WDFY4: variants seen among roughly 807,000 people sequenced by gnomAD.
The protein encoded by WDFY4 is WDFY family member 4.
A neutral mutation model predicts 351.9 loss-of-function variants in WDFY4; 169 were observed. The observed-to-expected ratio is 0.48, with a 90% CI of 0.42 to 0.55. The LOEUF (loss-of-function observed/expected upper bound fraction) is 0.55, where lower values mean the gene tolerates loss of function less well. Among genes scored for constraint, WDFY4 ranks in the 20% least tolerant of loss-of-function variants. WDFY4 has a pLI of 0.00. For synonymous variants in WDFY4, 1,622 were observed against 1,574.6 expected (o/e 1.03, Z -0.71); for missense variants, 3,803 against 3,935.6 (o/e 0.97, Z 0.90).
chr10:48,818,381 A>G (rs1198457669), intron 32 of WDFY4, among the ~76,000 whole-genome samples: 4 of 152,230 alleles, frequency 2.6e-5, no homozygotes, highest in African/African-American at 9.6e-5. Flanking sequence ...AATCTTTTCC[A>G]GAAGCATACC....
intron 7 of WDFY4, among the ~76,000 whole-genome samples, chr10:48,728,674 A>G (rs1341185638): frequency 2.0e-5 from 3 of 152,242 alleles, no homozygotes; most frequent in Non-Finnish European, 4.4e-5. Context: ...AGGGACGCTA[A>G]GTGTAAATGC....
At chr10:48,943,512 C>G in intron 49 of WDFY4, 63 bp downstream of exon 49, 1 of 1,505,340 alleles carries the variant, frequency 6.6e-7, no homozygotes, top group Non-Finnish European at 8.9e-7. Context: ...AACAGAGACC[C>G]TAAGTCAGCA....
chr10:48,822,295 A>T, intron 34 of WDFY4, 85 bp from the exon 35 acceptor site: 1 of 1,369,692 alleles, frequency 7.3e-7, no homozygotes, highest in Non-Finnish European at 9.5e-7. Flanking sequence ...AATAAGATGC[A>T]GTTGGTCACT....
intron 24 of WDFY4, chr10:48,801,538 T>C: frequency 2.2e-6 from 1 of 456,492 alleles, no homozygotes; most frequent in Non-Finnish European, 4.4e-6. Context: ...TGGATACCCA[T>C]GTTTTCACTA....
At chr10:48,748,045 T>A (rs1205451320) in intron 12 of WDFY4, among the ~76,000 whole-genome samples, 3 of 152,230 alleles carry the variant, frequency 2.0e-5, no homozygotes, top group Non-Finnish European at 4.4e-5. Flanking sequence ...GAATTCCCTC[T>A]CTGGGTTCCC....
In WDFY4 at chr10:48,702,564, G is replaced by A. The variant is rs187111433; in HGVS notation, c.-17-7152G>A. On this transcript the variant is annotated intron_variant, in intron 1 of 61. Transcript: ENST00000325239. ...CCAGGGTGCTGTGGGTGTTAGCCGT[G>A]TGTTCCTTTGTACTGTAGAGAGGGA... 2.3e-3 allele frequency among the ~76,000 whole-genome samples: 352 copies of A among 152,286 alleles called. 1 individual carries two copies. The highest frequency in any genetic ancestry group is 8.1e-3 in the African/African-American group (337 of 41,552).
chr10:48,873,392 C>G lies in WDFY4; in HGVS notation c.6742-99C>G, dbSNP rs1489797545. 3.8e-6 allele frequency: 5 copies of G among 1,321,534 alleles called. No homozygotes were observed. In the East Asian group the frequency reaches 7.6e-5, roughly 20 times the overall value. The allele number at this position is 1,321,534 out of a possible 1,614,324, so 81.9% of individuals were successfully genotyped here. ...AGAGAAGGTATCTTTCTCAAACATT[C>G]ATGGGAGACTTGGCTTATTCACCCC... is the stretch of plus-strand genomic sequence containing the variant. On this transcript the variant is annotated intron_variant, in intron 40 of 61. Coordinates refer to ENST00000325239, the MANE Select transcript of WDFY4 (RefSeq NM_001394531.1).
intron 2 of WDFY4, among the ~76,000 whole-genome samples, chr10:48,714,779 A>T (rs762451799): frequency 2.6e-5 from 4 of 152,268 alleles, no homozygotes; most frequent in Non-Finnish European, 4.4e-5. Flanking sequence ...TGCAAAATCT[A>T]TCAGTGTCTG....
intron 47 of WDFY4, among the ~76,000 whole-genome samples, chr10:48,911,556 A>C (rs1308201792): frequency 6.6e-6 from 1 of 152,254 alleles, no homozygotes; most frequent in Non-Finnish European, 1.5e-5. Flanking sequence ...ATGTATATCC[A>C]CAAGAATAAC....
At position 48,875,126 on chromosome 10, in the gene WDFY4, A is replaced by G; in HGVS notation, c.6986A>G (p.Asn2329Ser). Residue 2329 changes from asparagine (N) to serine (S), a missense_variant, in exon 42 of 62, where the codon AAT becomes AGT. This residue lies in a region of WDFY4 where 3,054 missense variants were observed against 3,148.6 expected (regional missense o/e 0.97). Transcript: ENST00000325239. ...AAAAATGATCATATTTCTCAAACAA[A>G]TGCTGAAAACCAAGGTATTCAGTTT... ...QDKNDHISQT[N>S]AENQDELTLR... is the part of the protein sequence containing the mutation. The G allele has an allele frequency of 6.7e-7, 1 of 1,487,568 alleles. No individual in the cohort carries two copies. Among genetic ancestry groups the G allele is most frequent in the South Asian group, 1.4e-5 (1 of 70,464 alleles). 92.1% of individuals were successfully genotyped at this position (1,487,568 alleles called of 1,614,324 possible). A position where few individuals can be genotyped will look rare whatever the true frequency, so the allele number is the denominator to read the frequency against.
chr10:48,860,436 C>T (rs1226934199), intron 39 of WDFY4, among the ~76,000 whole-genome samples: 1 of 152,154 alleles, frequency 6.6e-6, no homozygotes, highest in Non-Finnish European at 1.5e-5. Flanking sequence ...TTGCTGTATC[C>T]TCACATGGTG....
chr10:48,831,453 C>T (rs1197316723), intron 38 of WDFY4, among the ~76,000 whole-genome samples: 2 of 152,232 alleles, frequency 1.3e-5, no homozygotes, highest in Non-Finnish European at 1.5e-5. Context: ...TCACTGCTCT[C>T]AACTTACACC....
intron 47 of WDFY4, among the ~76,000 whole-genome samples, chr10:48,935,945 T>C (rs1430137190): frequency 6.6e-6 from 1 of 151,454 alleles, no homozygotes; most frequent in Non-Finnish European, 1.5e-5. Flanking sequence ...TTTCCAGAAA[T>C]TGAGAAAATG....
chr10:48,741,985 C>T (rs1016188467), intron 11 of WDFY4, among the ~76,000 whole-genome samples: 3 of 152,156 alleles, frequency 2.0e-5, no homozygotes, highest in Non-Finnish European at 4.4e-5. Context: ...TTAAAATCGT[C>T]CCTGTGTTTT....
At chr10:48,694,647 T>C (rs577741468) in intron 1 of WDFY4, among the ~76,000 whole-genome samples, 3 of 152,110 alleles carry the variant, frequency 2.0e-5, no homozygotes, top group Non-Finnish European at 4.4e-5. Flanking sequence ...CATGTCCATG[T>C]CCATCGGCTT....
chr10:48,977,425 T>TCATC (rs371807944), intron 59 of WDFY4, among the ~76,000 whole-genome samples: 29,991 of 150,032 alleles, frequency 0.2, 3,412 homozygotes, highest in Non-Finnish European at 0.28. Context: ...ACCCATCCAC[T>TCATC]CATCCATCCA....
chr10:48,811,248 G>A (rs536324203), intron 29 of WDFY4, among the ~76,000 whole-genome samples: 3 of 152,320 alleles, frequency 2.0e-5, no homozygotes, highest in South Asian at 4.1e-4. Context: ...CTGGAATTCT[G>A]TATATTTGGT....
intron 44 of WDFY4, among the ~76,000 whole-genome samples, chr10:48,893,321 C>T (rs1319072019): frequency 6.6e-6 from 1 of 152,186 alleles, no homozygotes; most frequent in African/African-American, 2.4e-5. Flanking sequence ...TGTAAATATC[C>T]TGTTTTCAAA....
At chr10:48,748,746 G>C (rs532143354) in intron 12 of WDFY4, among the ~76,000 whole-genome samples, 32 of 152,172 alleles carry the variant, frequency 2.1e-4, no homozygotes, top group Admixed American at 9.2e-4. Flanking sequence ...TAGAGAATAG[G>C]AAGTGAAACT....
Sources: gnomAD v4.1 joint callset for allele counts (sites outside exome capture counted in the v4.1 genomes callset) on GRCh38, gnomAD v4.1.1 for gene constraint, gnomAD v4.1.1 regional missense constraint, MANE v1.5 for transcripts, NCBI Gene and HGNC (gene_info 2026-07-23, HGNC 2026-07-21) for gene names.